Variants in SHANK2 observed in about 807,000 individuals in gnomAD.
The protein encoded by SHANK2 is SH3 and multiple ankyrin repeat domains 2.
A neutral mutation model predicts 133.7 loss-of-function variants in SHANK2; 43 were observed. The ratio of observed to expected loss-of-function variants is 0.32; its 90% CI spans 0.25 to 0.41. The LOEUF (loss-of-function observed/expected upper bound fraction) is 0.41, where lower values mean the gene tolerates loss of function less well. Ranked by LOEUF, SHANK2 falls within the 10% of genes least tolerant of loss-of-function variation. The probability of loss-of-function intolerance (pLI) is 1.00; values close to 1 mark genes in which losing one functional copy is unlikely to be tolerated. For synonymous variants in SHANK2, 1,017 were observed against 952.8 expected, an observed-to-expected ratio of 1.07 and a Z score of -1.24; for missense variants, 1,994 against 2,235.8, an observed-to-expected ratio of 0.89 and a Z score of 2.18.
chr11:70,907,450 C>A (rs1489067584), intron 10 of SHANK2, among the ~76,000 whole-genome samples: 1 of 152,182 alleles, frequency 6.6e-6, no homozygotes, highest in African/African-American at 2.4e-5. Flanking sequence ...GCACCGATAC[C>A]AAAGACAACC....
intron 14 of SHANK2, among the ~76,000 whole-genome samples, chr11:70,715,575 G>A (rs150969662): frequency 2.9e-4 from 44 of 152,274 alleles, no homozygotes; most frequent in African/African-American, 1.1e-3. Context: ...CACTGAGTTG[G>A]TTTCTACTCT....
chr11:70,924,715 C>A (rs1056292378), intron 10 of SHANK2, among the ~76,000 whole-genome samples: 3 of 152,142 alleles, frequency 2.0e-5, no homozygotes, highest in Admixed American at 6.5e-5. Context: ...CCTTGACCCC[C>A]CAAAGTGCAG....
At chr11:70,658,958 C>T (rs1478285563) in intron 17 of SHANK2, among the ~76,000 whole-genome samples, 3 of 152,082 alleles carry the variant, frequency 2.0e-5, no homozygotes, top group South Asian at 2.1e-4. Flanking sequence ...GCACTCCCAA[C>T]GAGGACCATT....
intron 14 of SHANK2, among the ~76,000 whole-genome samples, chr11:70,707,280 G>A (rs1945681405): frequency 6.7e-6 from 1 of 149,272 alleles, no homozygotes; most frequent in Non-Finnish European, 1.5e-5. Flanking sequence ...GCTGAGGCAG[G>A]AGAATCGCCT....
At chr11:70,810,915 G>A (rs782788338) in intron 12 of SHANK2, among the ~76,000 whole-genome samples, 2 of 152,192 alleles carry the variant, frequency 1.3e-5, no homozygotes, top group African/African-American at 2.4e-5. Flanking sequence ...CTCCTGGCCG[G>A]TGATGCGACA....
intron 2 of SHANK2, among the ~76,000 whole-genome samples, chr11:71,178,521 T>C (rs1555113362): frequency 1.3e-5 from 2 of 152,242 alleles, no homozygotes; most frequent in Admixed American, 6.5e-5. Context: ...GGTTACACAA[T>C]GTTGTGAATG....
At chr11:71,177,673 A>T (rs1555113281) in intron 2 of SHANK2, among the ~76,000 whole-genome samples, 4 of 152,326 alleles carry the variant, frequency 2.6e-5, no homozygotes, top group Admixed American at 6.5e-5. Flanking sequence ...ACCATTATCA[A>T]TTTTTCCATT....
At chr11:70,861,529 G>C (rs567129046) in intron 11 of SHANK2, among the ~76,000 whole-genome samples, 174 of 152,252 alleles carry the variant, frequency 1.1e-3, no homozygotes, top group Admixed American at 1.9e-3. Context: ...CCCATCAAAA[G>C]TCTTATTTGG....
intron 13 of SHANK2, among the ~76,000 whole-genome samples, chr11:70,805,960 G>A (rs1555051728): frequency 6.6e-6 from 1 of 152,246 alleles, no homozygotes. Context: ...GTGTGCAGCA[G>A]AAACACTGGC....
chr11:70,608,690 C>G (rs1554993269), intron 17 of SHANK2, among the ~76,000 whole-genome samples: 2 of 152,226 alleles, frequency 1.3e-5, no homozygotes, highest in Non-Finnish European at 2.9e-5. Context: ...CTTCACCCAC[C>G]TCGACACGGG....
intron 10 of SHANK2, among the ~76,000 whole-genome samples, chr11:70,907,483 A>T (rs1390778844): frequency 6.6e-6 from 1 of 152,204 alleles, no homozygotes; most frequent in Non-Finnish European, 1.5e-5. Flanking sequence ...AGGCTCCTGA[A>T]ACTGAGAATA....
chr11:70,862,741 T>C (rs1359359170), intron 11 of SHANK2: 2 of 174,274 alleles, frequency 1.1e-5, no homozygotes, highest in Non-Finnish European at 2.4e-5. Flanking sequence ...GAGGGAAATC[T>C]ATGTGCTTGG....
At chr11:70,885,885 A>G (rs1949734253) in intron 11 of SHANK2, among the ~76,000 whole-genome samples, 1 of 152,146 alleles carries the variant, frequency 6.6e-6, no homozygotes, top group Admixed American at 6.5e-5. Flanking sequence ...CTTGGATCCC[A>G]TCCCCGCCAG....
At chr11:70,660,949 C>A (rs1357658876) in intron 16 of SHANK2, among the ~76,000 whole-genome samples, 4 of 152,236 alleles carry the variant, frequency 2.6e-5, no homozygotes, top group Non-Finnish European at 4.4e-5. Context: ...ATTTTGTTTT[C>A]TTTTGGAGGG....
At chr11:70,738,540 G>A (rs566846019) in intron 14 of SHANK2, among the ~76,000 whole-genome samples, 2 of 152,314 alleles carry the variant, frequency 1.3e-5, no homozygotes, top group South Asian at 2.1e-4. Context: ...GGAAGTCCCC[G>A]GAATCTACAA....
chr11:71,156,078 C>T (rs1158922170), intron 2 of SHANK2, among the ~76,000 whole-genome samples: 1 of 152,194 alleles, frequency 6.6e-6, no homozygotes, highest in Non-Finnish European at 1.5e-5. Context: ...AAGGCAGCCA[C>T]GTGCACGCCA....
chr11:71,103,322 A>C lies in SHANK2; in HGVS notation c.592+6619T>G, dbSNP rs550081330. Among the ~76,000 whole-genome samples the C allele has an allele frequency of 9.9e-5, 15 of 152,058 alleles. 1 individual carries two copies. The highest frequency in any genetic ancestry group is 2.9e-4 in the African/African-American group (12 of 41,498). On this transcript the variant is annotated intron_variant, in intron 6 of 25. Transcript: ENST00000601538. ...AGGTCACCAATAGACTGCAGCTATC[A>C]CTCTTTAAGTGCCCTTGTTACTGGT... is the stretch of plus-strand genomic sequence containing the variant.
At chr11:70,620,271 C>T (rs2060811102) in intron 17 of SHANK2, among the ~76,000 whole-genome samples, 1 of 152,202 alleles carries the variant, frequency 6.6e-6, no homozygotes, top group Non-Finnish European at 1.5e-5. Context: ...CATAGCCCGG[C>T]TGGCTCTTCT....
Position 70,542,300 on chromosome 11 carries a change from T to C in SHANK2, c.2062-39369A>G, listed in dbSNP as rs563884535. ...CTGAATCCAGTGACGGGTGCCCTTA[T>C]GAGGGATGAGAAGAGAGAGGAGGAT... is the stretch of plus-strand genomic sequence containing the variant. On this transcript the variant is annotated intron_variant, in intron 17 of 25. Coordinates refer to ENST00000601538, the MANE Select transcript of SHANK2 (RefSeq NM_012309.5). Among the ~76,000 whole-genome samples the C allele has an allele frequency of 6.9e-4, 105 of 152,220 alleles. 1 individual carries two copies. The highest frequency in any genetic ancestry group is 2.4e-3 in the African/African-American group (98 of 41,540).
Sources: gnomAD v4.1 joint callset for allele counts (sites outside exome capture counted in the v4.1 genomes callset) on GRCh38, gnomAD v4.1.1 for gene constraint, MANE v1.5 for transcripts, NCBI Gene and HGNC (gene_info 2026-07-23, HGNC 2026-07-21) for gene names.